PTPRD: variants seen among roughly 807,000 people sequenced by gnomAD.
PTPRD encodes protein tyrosine phosphatase receptor type D.
In PTPRD, 34 loss-of-function variants were observed where a neutral mutation model predicts 214.5. That is an observed-to-expected ratio of 0.16 (90% CI 0.12 to 0.21). PTPRD has a LOEUF of 0.21. Ranked by LOEUF, PTPRD falls within the 10% of genes least tolerant of loss-of-function variation. The pLI, the probability that PTPRD is intolerant of heterozygous loss-of-function variation, is 1.00. For missense variants in PTPRD, 2,545 were observed against 2,398.7 expected (o/e 1.06, Z -1.27); for synonymous variants, 1,128 against 845.7 (o/e 1.33, Z -5.79).
At chr9:8,745,304 T>G (rs970316838) in intron 11 of PTPRD, among the ~76,000 whole-genome samples, 4 of 152,208 alleles carry the variant, frequency 2.6e-5, no homozygotes, top group Non-Finnish European at 5.9e-5. Context: ...TTTTACTATC[T>G]CTGACTTACT....
chr9:8,780,726 A>T (rs980632091), intron 11 of PTPRD, among the ~76,000 whole-genome samples: 3 of 152,226 alleles, frequency 2.0e-5, no homozygotes, highest in Non-Finnish European at 2.9e-5. Context: ...CTTCAAGGCC[A>T]AGAAATATTC....
rs189576249 is a variant in PTPRD at position 10,090,252 on chromosome 9, T to C, written c.-544-56462A>G. On this transcript the variant is annotated intron_variant, in intron 3 of 45. Transcript: ENST00000381196. ...CAAAAATCTAAATTTGACTGACTTA[T>C]GATTTAGTGTTTATTCATTCTACTA... Among the ~76,000 whole-genome samples the C allele has an allele frequency of 6.0e-3, 914 of 151,826 alleles. 8 individuals are homozygous for C. Among genetic ancestry groups the C allele is most frequent in the African/African-American group, 0.021 (871 of 41,496 alleles).
chr9:10,487,522 A>C (rs2099140396), intron 2 of PTPRD, among the ~76,000 whole-genome samples: 1 of 152,194 alleles, frequency 6.6e-6, no homozygotes, highest in Admixed American at 6.5e-5. Flanking sequence ...ATAATATCTT[A>C]TAACCCATTA....
At chr9:9,672,175 A>G (rs920164259) in intron 7 of PTPRD, among the ~76,000 whole-genome samples, 1 of 152,170 alleles carries the variant, frequency 6.6e-6, no homozygotes, top group African/African-American at 2.4e-5. Context: ...TGTAAAGAAA[A>G]CAGGTATAAT....
At chr9:10,170,823 G>A (rs192882824) in intron 3 of PTPRD, among the ~76,000 whole-genome samples, 1 of 152,182 alleles carries the variant, frequency 6.6e-6, no homozygotes, top group Non-Finnish European at 1.5e-5. Flanking sequence ...ATTAGCAATT[G>A]TATATCATCA....
intron 3 of PTPRD, among the ~76,000 whole-genome samples, chr9:10,244,706 T>C (rs557908494): frequency 9.2e-5 from 14 of 152,098 alleles, no homozygotes; most frequent in East Asian, 7.8e-4. Context: ...TGGAAAAAAA[T>C]TGGCTAAAGG....
intron 8 of PTPRD, among the ~76,000 whole-genome samples, chr9:9,444,385 C>G (rs774602776): frequency 9.2e-5 from 14 of 152,136 alleles, no homozygotes; most frequent in Admixed American, 2.0e-4. Context: ...ATCCTTCAAA[C>G]AATAATCTCT....
intron 12 of PTPRD, among the ~76,000 whole-genome samples, chr9:8,699,073 C>A (rs1421638169): frequency 6.6e-6 from 1 of 152,122 alleles, no homozygotes; most frequent in Non-Finnish European, 1.5e-5. Context: ...TTTGTTATCA[C>A]AAAATGCACA....
intron 14 of PTPRD, among the ~76,000 whole-genome samples, chr9:8,619,773 C>T (rs981058373): frequency 6.6e-6 from 1 of 151,926 alleles, no homozygotes; most frequent in African/African-American, 2.4e-5. Context: ...TTTTACACAT[C>T]TTCATCCTTT....
At chr9:8,811,028 C>T (rs1256093323) in intron 11 of PTPRD, among the ~76,000 whole-genome samples, 1 of 152,158 alleles carries the variant, frequency 6.6e-6, no homozygotes, top group Non-Finnish European at 1.5e-5. Context: ...AACAACTGTG[C>T]CCAGGCAGGG....
chr9:8,731,923 G>A (rs1485190052), intron 12 of PTPRD, among the ~76,000 whole-genome samples: 2 of 152,142 alleles, frequency 1.3e-5, no homozygotes, highest in African/African-American at 4.8e-5. Flanking sequence ...AGCTATAATG[G>A]GAGGAGTGAG....
At chr9:10,119,084 A>G (rs2098754310) in intron 3 of PTPRD, among the ~76,000 whole-genome samples, 1 of 151,912 alleles carries the variant, frequency 6.6e-6, no homozygotes, top group African/African-American at 2.4e-5. Context: ...CCACTTAAGA[A>G]ACACCTCCTA....
chr9:9,895,898 C>T lies in PTPRD; in HGVS notation c.-368+42609G>A, dbSNP rs375018880. 5.6e-4 allele frequency among the ~76,000 whole-genome samples: 85 copies of T among 152,022 alleles called. 2 individuals carry two copies. The highest frequency in any genetic ancestry group is 1.9e-3 in the African/African-American group (79 of 41,500). On this transcript the variant is annotated intron_variant, in intron 5 of 45. Coordinates refer to ENST00000381196, the MANE Select transcript of PTPRD (RefSeq NM_002839.4). The stretch of plus-strand genomic sequence containing the variant: ...CTATCACGAAGGTGATGAATAAAGT[C>T]ATTTTTCATTTATAATGGAAAGTCT...
At position 9,251,705 on chromosome 9, in the gene PTPRD, G is replaced by C. The variant is rs140887155; in HGVS notation, c.-202-68342C>G. Among the ~76,000 whole-genome samples the C allele has an allele frequency of 6.8e-3, 1,029 of 152,022 alleles. 11 individuals are homozygous for C. Among genetic ancestry groups the C allele is most frequent in the African/African-American group, 0.023 (958 of 41,478 alleles). On this transcript the variant is annotated intron_variant, in intron 9 of 45. Coordinates refer to ENST00000381196, the MANE Select transcript of PTPRD (RefSeq NM_002839.4). ...AGTGTCTTCTCTTCATTTGTGTCCT[G>C]GATAAATAGCATAATGGGGTACTTT...
intron 14 of PTPRD, among the ~76,000 whole-genome samples, chr9:8,630,482 ATATT>A (rs1245850208): frequency 6.6e-6 from 1 of 151,852 alleles, no homozygotes; most frequent in African/African-American, 2.4e-5. Flanking sequence ...ATTTCCATCC[ATATT>A]TATTTTATCC....
chr9:10,195,658 C>A (rs143943769), intron 3 of PTPRD, among the ~76,000 whole-genome samples: 1 of 151,842 alleles, frequency 6.6e-6, no homozygotes, highest in African/African-American at 2.4e-5. Flanking sequence ...CTTACCTGCA[C>A]CAAAAATAAT....
intron 5 of PTPRD, among the ~76,000 whole-genome samples, chr9:9,842,298 ATTT>A (rs138386194): frequency 1.2e-4 from 11 of 91,430 alleles, no homozygotes; most frequent in African/African-American, 4.1e-4. Context: ...GAAGGAGAGC[ATTT>A]TTTTTTTTTT....
At chr9:8,840,983 T>C (rs774277460) in intron 11 of PTPRD, among the ~76,000 whole-genome samples, 13 of 152,152 alleles carry the variant, frequency 8.5e-5, no homozygotes, top group Non-Finnish European at 1.5e-4. Context: ...CCCAGTCTCT[T>C]TTCCTATAAT....
At chr9:10,448,179 A>C (rs2130674820) in intron 2 of PTPRD, among the ~76,000 whole-genome samples, 1 of 152,158 alleles carries the variant, frequency 6.6e-6, no homozygotes, top group Non-Finnish European at 1.5e-5. Flanking sequence ...ACATTACCAT[A>C]ACTAAATAGG....
Sources: gnomAD v4.1 joint callset for allele counts (sites outside exome capture counted in the v4.1 genomes callset) on GRCh38, gnomAD v4.1.1 for gene constraint, MANE v1.5 for transcripts, NCBI Gene and HGNC (gene_info 2026-07-23, HGNC 2026-07-21) for gene names.